RSPH14: variants seen among roughly 807,000 people sequenced by gnomAD.
The protein encoded by RSPH14 is radial spoke head 14 homolog.
A neutral mutation model predicts 26.7 loss-of-function variants in RSPH14; 20 were observed. The observed-to-expected ratio is 0.75, with a 90% CI of 0.53 to 1.09. RSPH14 has a LOEUF of 1.09. Among genes scored for constraint, RSPH14 ranks in the 50% least tolerant of loss-of-function variants. RSPH14 has a pLI of 0.00. For missense variants in RSPH14, 449 were observed against 457.2 expected, an observed-to-expected ratio of 0.98 and a Z score of 0.16; for synonymous variants, 177 against 189.3, an observed-to-expected ratio of 0.93 and a Z score of 0.53.
At chr22:23,180,242 T>C in the RSPH14 span, 1 of 205,924 alleles carries the variant, frequency 4.9e-6, no homozygotes, top group East Asian at 9.6e-5. Context: ...CAGACCTCTG[T>C]ATTGGAAAGG....
At chr22:23,080,619 A>G (rs573731040) in intron 4 of RSPH14, among the ~76,000 whole-genome samples, 41 of 152,198 alleles carry the variant, frequency 2.7e-4, no homozygotes, top group African/African-American at 9.6e-4. Context: ...TTGTGGGGAG[A>G]GTGTAGAGAA....
At chr22:23,069,206 G>A (rs1441009755) in intron 4 of RSPH14, among the ~76,000 whole-genome samples, 2 of 152,230 alleles carry the variant, frequency 1.3e-5, no homozygotes, top group East Asian at 1.9e-4. Flanking sequence ...TGGAGAGACC[G>A]CTCCATGGAC....
At chr22:23,076,012 G>C (rs148156372) in intron 4 of RSPH14, among the ~76,000 whole-genome samples, 4 of 152,162 alleles carry the variant, frequency 2.6e-5, no homozygotes, top group African/African-American at 4.8e-5. Flanking sequence ...GGGCAGCCCC[G>C]CATCTGGGCA....
the RSPH14 span, among the ~76,000 whole-genome samples, chr22:23,156,753 G>A: frequency 3.9e-5 from 6 of 152,196 alleles, no homozygotes; most frequent in East Asian, 1.9e-4. Flanking sequence ...GCCCTCAGCC[G>A]TGGGTTGGAG....
chr22:23,081,316 T>G (rs752478293), intron 4 of RSPH14, among the ~76,000 whole-genome samples: 1 of 152,184 alleles, frequency 6.6e-6, no homozygotes, highest in Non-Finnish European at 1.5e-5. Context: ...AAACTCTGAT[T>G]TAGGAAGAGT....
intron 4 of RSPH14, among the ~76,000 whole-genome samples, chr22:23,099,211 C>G (rs891043868): frequency 2.0e-5 from 3 of 152,268 alleles, no homozygotes; most frequent in Non-Finnish European, 4.4e-5. Flanking sequence ...TGTCTCTGGG[C>G]TCCCGGGTGT....
chr22:23,160,344 G>T, the RSPH14 span, among the ~76,000 whole-genome samples: 1 of 152,224 alleles, frequency 6.6e-6, no homozygotes, highest in Non-Finnish European at 1.5e-5. Context: ...GGTTGTGCAG[G>T]TTGCTGGCTG....
At chr22:23,177,689 A>G in the RSPH14 span, among the ~76,000 whole-genome samples, 1 of 152,218 alleles carries the variant, frequency 6.6e-6, no homozygotes, top group African/African-American at 2.4e-5. Flanking sequence ...CCTTGGGGCC[A>G]GAAGAGGCTG....
At chr22:23,117,526 G>C (rs551371339) in intron 4 of RSPH14, among the ~76,000 whole-genome samples, 1 of 152,214 alleles carries the variant, frequency 6.6e-6, no homozygotes, top group South Asian at 2.1e-4. Context: ...CTCATGCTGG[G>C]ACAGAGGGAA....
chr22:23,175,617 C>T, the RSPH14 span, among the ~76,000 whole-genome samples: 25 of 152,342 alleles, frequency 1.6e-4, no homozygotes, highest in Middle Eastern at 0.014. Flanking sequence ...CATAGATAGG[C>T]GTTTTATTAT....
At chr22:23,114,488 T>A (rs2069761413) in intron 4 of RSPH14, among the ~76,000 whole-genome samples, 1 of 151,098 alleles carries the variant, frequency 6.6e-6, no homozygotes, top group Admixed American at 6.6e-5. Context: ...CCCCCAGAGG[T>A]CCAGTCAAAA....
intron 4 of RSPH14, 77 bp from the exon 5 acceptor site, chr22:23,064,210 AAGGAGGGTCTTGC>A (rs762772800): frequency 1.1e-5 from 15 of 1,369,858 alleles, no homozygotes; most frequent in Admixed American, 3.5e-5. Flanking sequence ...TGCAGGGCTC[AAGGAGGGTCTTGC>A]AGAACCAGTG....
intron 4 of RSPH14, chr22:23,095,860 C>A (rs2146315845): frequency 1.2e-6 from 2 of 1,613,856 alleles, no homozygotes; most frequent in Non-Finnish European, 1.7e-6. Flanking sequence ...AGATGAAGAT[C>A]ATCCACAGCG....
intron 4 of RSPH14, among the ~76,000 whole-genome samples, chr22:23,070,130 A>G (rs982361109): frequency 6.6e-6 from 1 of 150,726 alleles, no homozygotes; most frequent in Middle Eastern, 3.4e-3. Context: ...CGGAGCTGCG[A>G]CCCCGCCCCT....
intron 4 of RSPH14, among the ~76,000 whole-genome samples, chr22:23,121,316 C>T (rs1463883601): frequency 1.3e-5 from 2 of 152,180 alleles, no homozygotes; most frequent in Admixed American, 6.5e-5. Flanking sequence ...ATGACGGGTA[C>T]CTCTGGGTAT....
the RSPH14 span, among the ~76,000 whole-genome samples, chr22:23,150,583 G>A: frequency 6.6e-6 from 1 of 151,822 alleles, no homozygotes; most frequent in African/African-American, 2.4e-5. Context: ...TTACAGGTGT[G>A]AGCCACCGTG....
upstream of RSPH14, chr22:23,142,051 C>T: frequency 1.0e-6 from 1 of 985,420 alleles, no homozygotes; most frequent in Non-Finnish European, 1.2e-6. Context: ...GCGTCCGCGG[C>T]GCCGCGGTCG....
intron 6 of RSPH14, 119 bp downstream of exon 6, chr22:23,061,685 GTTTTT>G: frequency 1.0e-6 from 1 of 994,572 alleles, no homozygotes; most frequent in Non-Finnish European, 1.4e-6. Flanking sequence ...CCAAGGGGAG[GTTTTT>G]TTTTTTTTTG....
In RSPH14 at chr22:23,059,775, C is replaced by A. The variant is rs369270494; in HGVS notation, c.791-57G>T. ...AGCCCAAGGGGCCCTCTTCTCACCC[C>A]CTCTCACCCTAGCCCTCTCCTGACC... is the stretch of plus-strand genomic sequence containing the variant. On this transcript the variant is annotated intron_variant, in intron 6 of 6. Coordinates refer to ENST00000216036, the MANE Select transcript of RSPH14 (RefSeq NM_014433.3). The A allele has an allele frequency of 3.4e-5, 50 of 1,484,332 alleles. No homozygotes were observed. In the East Asian group the frequency reaches 6.4e-4, roughly 19 times the overall value. The allele number at this position is 1,484,332 out of a possible 1,614,324, so 91.9% of individuals were successfully genotyped here.
Sources: allele counts gnomAD v4.1 joint callset (sites outside exome capture counted in the v4.1 genomes callset), GRCh38; gene constraint gnomAD v4.1.1; transcripts MANE v1.5; gene names NCBI Gene and HGNC (gene_info 2026-07-23, HGNC 2026-07-21).